Variants in STK32C observed in about 807,000 individuals in gnomAD.
STK32C encodes the protein serine/threonine-protein kinase 32C.
In STK32C, 31 loss-of-function variants were observed where a neutral mutation model predicts 56.5. The observed-to-expected ratio is 0.55, with a 90% CI of 0.41 to 0.74. STK32C has a LOEUF of 0.74. Ranked by LOEUF, STK32C falls within the 30% of genes least tolerant of loss-of-function variation. STK32C has a pLI of 0.00. For missense variants in STK32C, 544 were observed against 676.9 expected (o/e 0.80, Z 2.18); for synonymous variants, 309 against 289.4 (o/e 1.07, Z -0.69).
chr10:132,209,242 G>A (rs113639913), intron 10 of STK32C, 141 bp from the exon 11 acceptor site: 57 of 780,228 alleles, frequency 7.3e-5, no homozygotes, highest in African/African-American at 2.7e-4. Context: ...GAAGTGCCCC[G>A]GCCCTCCAGC....
chr10:132,208,127 C>T lies in STK32C; in HGVS notation c.1344G>A (p.Pro448=), dbSNP rs745405316. 3.1e-6 allele frequency: 4 copies of T among 1,310,656 alleles called. No homozygotes were observed. The South Asian group carries it at 9.6e-5, about 31-fold the overall frequency. The allele number at this position is 1,310,656 out of a possible 1,614,324, so 81.2% of individuals were successfully genotyped here. A position where few individuals can be genotyped will look rare whatever the true frequency, so the allele number is the denominator to read the frequency against. Residue 448 remains proline (P), a synonymous_variant, in exon 12 of 12, where the codon CCG becomes CCA. Coordinates refer to ENST00000298630, the MANE Select transcript of STK32C (RefSeq NM_173575.4). ...ACTCAGGGGCGGGGAGAGGCTCCCTCGGGAGGTCCTGGCTCCTCTTCAGCC... is the reference window on the plus strand; with the variant it reads ...ACTCAGGGGCGGGGAGAGGCTCCCTTGGGAGGTCCTGGCTCCTCTTCAGCC... ...REKLKRSQDL[P]REPLPAPESR... is the part of the protein sequence containing the mutation.
chr10:132,307,239 G>C lies in STK32C; in HGVS notation c.262+333C>G, dbSNP rs545924001. Reference sequence around the variant, plus strand: ...CAAACGAGCCCGCACGTGGGCCCGAGCGGATCACGGAAAGCGGAAAGCAGG... The same window carrying C: ...CAAACGAGCCCGCACGTGGGCCCGACCGGATCACGGAAAGCGGAAAGCAGG... On this transcript the variant is annotated intron_variant, in intron 1 of 11. Transcript: ENST00000298630. This position sits in a 1 kb window ranked among gnomAD's most constrained non-coding sequence, Gnocchi z 4.4. 68 of 203,924 alleles carry C rather than the reference G, an allele frequency of 3.3e-4. No individual in the cohort carries two copies. Among genetic ancestry groups the C allele is most frequent in the African/African-American group, 1.5e-3 (64 of 42,832 alleles). The allele number at this position is 203,924 out of a possible 1,614,324, so 12.6% of individuals were successfully genotyped here. A position where few individuals can be genotyped will look rare whatever the true frequency, so the allele number is the denominator to read the frequency against.
At chr10:132,258,215 C>T (rs934105101) in intron 1 of STK32C, among the ~76,000 whole-genome samples, 3 of 152,236 alleles carry the variant, frequency 2.0e-5, no homozygotes, top group Non-Finnish European at 4.4e-5. Context: ...GGCAAGAGGG[C>T]CCAGCTGCCA....
chr10:132,304,561 A>G (rs1267091058), intron 1 of STK32C, among the ~76,000 whole-genome samples: 1 of 152,234 alleles, frequency 6.6e-6, no homozygotes, highest in Non-Finnish European at 1.5e-5. Context: ...CTGCTAACAA[A>G]GAGAGAGTGT....
chr10:132,235,883 C>T (rs560026284), intron 2 of STK32C, among the ~76,000 whole-genome samples: 2 of 148,166 alleles, frequency 1.3e-5, no homozygotes, highest in Non-Finnish European at 3.0e-5. Flanking sequence ...GCGGTGGCTA[C>T]GAAGAGAGTC....
intron 1 of STK32C, among the ~76,000 whole-genome samples, chr10:132,292,700 C>T (rs2065606628): frequency 6.6e-6 from 1 of 152,214 alleles, no homozygotes; most frequent in Admixed American, 6.5e-5. Context: ...CGCAAGACCC[C>T]CACCCAAAGC....
At chr10:132,247,023 T>A (rs1316850516) in intron 1 of STK32C, among the ~76,000 whole-genome samples, 1 of 152,220 alleles carries the variant, frequency 6.6e-6, no homozygotes, top group East Asian at 1.9e-4. Flanking sequence ...CAGCCTCATG[T>A]TCACTTATTC....
chr10:132,243,921 T>C (rs2063594739), intron 2 of STK32C, among the ~76,000 whole-genome samples: 1 of 152,172 alleles, frequency 6.6e-6, no homozygotes, highest in Non-Finnish European at 1.5e-5. Flanking sequence ...TGGGCACAGC[T>C]GAGCCTGGGC....
Position 132,208,920 on chromosome 10 carries a change from A to G in STK32C, c.1319+114T>C, listed in dbSNP as rs577677681. 5 of 926,356 alleles carry G rather than the reference A, an allele frequency of 5.4e-6. No individual in the cohort carries two copies. The East Asian group carries it at 7.8e-5, about 14-fold the overall frequency. The allele number at this position is 926,356 out of a possible 1,614,324, so 57.4% of individuals were successfully genotyped here. On this transcript the variant is annotated intron_variant, in intron 11 of 11. Transcript: ENST00000298630. ...GCTGCTCAGAGTCCCCAAAGAGAGC[A>G]GGGCCACGCACCCCAGGCCCACAGG...
At chr10:132,226,722 C>T (rs1334788439) in intron 4 of STK32C, 73 bp downstream of exon 4, 17 of 1,555,204 alleles carry the variant, frequency 1.1e-5, no homozygotes, top group South Asian at 4.6e-5. Context: ...GCCGCCGTGC[C>T]GGCAGCCTGA....
At chr10:132,331,416 C>A (rs754580129) in intron 1 of STK32C, 3 of 1,594,776 alleles carry the variant, frequency 1.9e-6, no homozygotes, top group Middle Eastern at 3.3e-4. Context: ...ATTCTCAAAA[C>A]CCTTCCTCAG....
chr10:132,249,086 T>G lies in STK32C; in HGVS notation c.263-3131A>C, dbSNP rs148160631. On this transcript the variant is annotated intron_variant, in intron 1 of 11. Transcript: ENST00000298630. ...GGCGGCTCCGGCAGAGGCTCCCAGC[T>G]GGGAGGCAGCAGCAAGGCGCATGCG... is the stretch of plus-strand genomic sequence containing the variant. The G allele has an allele frequency of 2.2e-3, 1,066 of 475,330 alleles. 1 individual carries two copies. The highest frequency in any genetic ancestry group is 3.1e-3 in the Non-Finnish European group (734 of 238,770). 29.4% of individuals were successfully genotyped at this position (475,330 alleles called of 1,614,324 possible). A position where few individuals can be genotyped will look rare whatever the true frequency, so the allele number is the denominator to read the frequency against.
rs534523185 is a variant in STK32C, at chr10:132,231,553, G to A, written c.319-3425C>T. On this transcript the variant is annotated intron_variant, in intron 2 of 11. Transcript: ENST00000298630. Reference sequence around the variant, plus strand: ...CTGGAGACCCTGGTGGAAACGCCTCGATCCCTCACAGCAGGCCCGAGTGCG... The same window carrying A: ...CTGGAGACCCTGGTGGAAACGCCTCAATCCCTCACAGCAGGCCCGAGTGCG... Among the ~76,000 whole-genome samples the A allele has an allele frequency of 3.9e-5, 6 of 152,324 alleles. No homozygotes were observed. In the South Asian group the frequency reaches 6.2e-4, roughly 16 times the overall value.
intron 1 of STK32C, among the ~76,000 whole-genome samples, chr10:132,257,828 C>T (rs755501369): frequency 9.2e-5 from 14 of 151,912 alleles, no homozygotes; most frequent in Non-Finnish European, 1.6e-4. Context: ...GCTGGGGGCT[C>T]CTCTACACCT....
intron 1 of STK32C, among the ~76,000 whole-genome samples, chr10:132,330,650 G>GGT (rs2066653182): frequency 6.7e-6 from 1 of 150,292 alleles, no homozygotes; most frequent in Non-Finnish European, 1.5e-5. Context: ...TGGAACTACA[G>GGT]GTGTGTGCCA....
rs1420593464 is a variant in STK32C, at chr10:132,222,787, G to A, written c.1120-15C>T. On this transcript the variant is annotated splice_polypyrimidine_tract_variant and intron_variant, in intron 9 of 11. Transcript: ENST00000298630. ...AGACGGCCTTTCTACAGAGGGATGG[G>A]TGCTGAGCCCCGGCCCGTGGAGGAC... is the stretch of plus-strand genomic sequence containing the variant. 1 of 1,595,898 alleles carries A rather than the reference G, an allele frequency of 6.3e-7. No homozygotes were observed. Among genetic ancestry groups the A allele is most frequent in the Non-Finnish European group, 8.5e-7 (1 of 1,171,714 alleles).
intron 1 of STK32C, among the ~76,000 whole-genome samples, chr10:132,260,752 G>A (rs1200679393): frequency 6.6e-6 from 1 of 152,238 alleles, no homozygotes; most frequent in Non-Finnish European, 1.5e-5. Context: ...GCTTCACCAC[G>A]TGCCCATCAC....
chr10:132,262,336 C>A (rs1282178434), intron 1 of STK32C, among the ~76,000 whole-genome samples: 2 of 152,086 alleles, frequency 1.3e-5, no homozygotes, highest in Non-Finnish European at 2.9e-5. Flanking sequence ...TATAAAAGTT[C>A]TAGGAGAAAA....
chr10:132,261,239 G>A (rs553235351), intron 1 of STK32C, among the ~76,000 whole-genome samples: 3 of 152,296 alleles, frequency 2.0e-5, no homozygotes, highest in South Asian at 2.1e-4. Context: ...GAATCTCCCC[G>A]GGGAAGGAAT....
Sources: allele counts gnomAD v4.1 joint callset (sites outside exome capture counted in the v4.1 genomes callset), GRCh38; gene constraint gnomAD v4.1.1; non-coding constraint Gnocchi (gnomAD v3.1); transcripts MANE v1.5; gene names NCBI Gene and HGNC (gene_info 2026-07-23, HGNC 2026-07-21).